The following GTF2F1 variants were observed in gnomAD, a reference collection of about 807,000 sequenced individuals.
GTF2F1 encodes general transcription factor IIF subunit 1.
GTF2F1 carries 39 observed loss-of-function variants against 63.5 expected under a neutral mutation model. That is an observed-to-expected ratio of 0.61 (90% CI 0.48 to 0.80). The LOEUF (loss-of-function observed/expected upper bound fraction) is 0.80, where lower values mean the gene tolerates loss of function less well. GTF2F1 is among the 30% of genes least tolerant of loss of function. The pLI is 0.00. For synonymous variants in GTF2F1, 287 were observed against 285.3 expected (o/e 1.01, Z -0.06); for missense variants, 657 against 718.3 (o/e 0.91, Z 0.97).
rs772049420 is a variant in GTF2F1, at chr19:6,381,779, C to CCTT, written c.751_753dup (p.Lys251dup). The CCTT allele has an allele frequency of 1.7e-5, 28 of 1,613,592 alleles. No individual in the cohort carries two copies. Among genetic ancestry groups the CCTT allele is most frequent in the South Asian group, 8.8e-5 (8 of 91,072 alleles). The stretch of plus-strand genomic sequence containing the variant: ...TCCTCGAAGGCCTCGTCGTCTGAAC[C>CCTT]CTTCTTCTTCTTCTTTTTCCTGCCG... On this transcript the variant is annotated inframe_insertion, in exon 7 of 13. Transcript: ENST00000394456. This position sits in a 1 kb window ranked among gnomAD's most constrained non-coding sequence, Gnocchi z 4.1.
rs183820629 is a variant in GTF2F1, at chr19:6,382,500, G to A, written c.683-650C>T. On this transcript the variant is annotated intron_variant, in intron 6 of 12. Coordinates refer to ENST00000394456, the MANE Select transcript of GTF2F1 (RefSeq NM_002096.3). ...TACAAAAATTAGCCAGCATGGTGGT[G>A]CATGCCTGTAGTCCCAGCTACTTGG... is the stretch of plus-strand genomic sequence containing the variant. 2.6e-3 allele frequency among the ~76,000 whole-genome samples: 393 copies of A among 152,114 alleles called. 3 individuals carry two copies. The highest frequency in any genetic ancestry group is 0.022 in the South Asian group (108 of 4,820).
rs3745573 is a variant in GTF2F1, at chr19:6,383,526, G to A, written c.498-31C>T. ...GGCCAGGCACAGGGGGGCTCATGCC[G>A]GGCCTGGCACCACCCTGCATCTGTG... On this transcript the variant is annotated intron_variant, in intron 5 of 12. Coordinates refer to ENST00000394456, the MANE Select transcript of GTF2F1 (RefSeq NM_002096.3). The surrounding 1 kb of genome is among the most constrained non-coding windows in gnomAD (Gnocchi z 4.5). 136,233 of 1,603,282 alleles carry A rather than the reference G, an allele frequency of 0.085. 10,561 individuals carry two copies. Among genetic ancestry groups the A allele is most frequent in the East Asian group, 0.38 (17,188 of 44,696 alleles).
Position 6,389,515 on chromosome 19 carries a change from G to A in GTF2F1, c.255C>T (p.Gly85=). Residue 85 remains glycine, a synonymous_variant, in exon 4 of 13, where the codon GGC becomes GGT. Transcript: ENST00000394456. The stretch of plus-strand genomic sequence containing the variant: ...CGGGCCGGAACTCCTTGAGGACGAT[G>A]CCGTACTTCTTCCTCCGAGCCTCCT... The part of the protein sequence containing the change: ...LREEARRKKY[G]IVLKEFRPED... The A allele has an allele frequency of 6.2e-7, 1 of 1,614,224 alleles. No individual in the cohort carries two copies. Among genetic ancestry groups the A allele is most frequent in the Non-Finnish European group, 8.5e-7 (1 of 1,180,038 alleles).
intron 5 of GTF2F1, among the ~76,000 whole-genome samples, chr19:6,386,060 A>G (rs2091972751): frequency 6.8e-6 from 1 of 147,196 alleles, no homozygotes; most frequent in Admixed American, 6.7e-5. Context: ...TGGGTGACAG[A>G]GCGAGATTCG....
In GTF2F1 at chr19:6,380,594, C is replaced by A. The variant is rs575662882; in HGVS notation, c.1328G>T (p.Gly443Val). 8.8e-5 allele frequency: 142 copies of A among 1,614,048 alleles called. No homozygotes were observed. In the South Asian group the frequency reaches 1.5e-3, roughly 17 times the overall value. Residue 443 changes from glycine to valine, a missense_variant, in exon 12 of 13, where the codon GGC (glycine) becomes GTC (valine). Coordinates refer to ENST00000394456, the MANE Select transcript of GTF2F1 (RefSeq NM_002096.3). This position sits in a 1 kb window ranked among gnomAD's most constrained non-coding sequence, Gnocchi z 5.3. ...TTACCCGCTGTTGGGTGTTGTCTTG[C>A]CTGATGGTGGCTGGGGTGTCGACTT... ...SGKSTPQPPS[G>V]KTTPNSGDVQ...
Position 6,381,064 on chromosome 19 carries a change from G to A in GTF2F1, c.1093-22C>T. 3 of 1,610,318 alleles carry A rather than the reference G, an allele frequency of 1.9e-6. No individual in the cohort carries two copies. Among genetic ancestry groups the A allele is most frequent in the Non-Finnish European group, 2.5e-6 (3 of 1,178,368 alleles). ...TCTTCTGCAGAGGTCAGGGTTGGGA[G>A]GTGGGTGAGTCTGCAAACAGACGCC... On this transcript the variant is annotated intron_variant, in intron 10 of 12. Transcript: ENST00000394456. This position sits in a 1 kb window ranked among gnomAD's most constrained non-coding sequence, Gnocchi z 4.1.
rs760069997 is a variant in GTF2F1 at position 6,387,443 on chromosome 19, G to A, written c.443C>T (p.Pro148Leu). 3.5e-5 allele frequency: 57 copies of A among 1,614,232 alleles called. No individual in the cohort carries two copies. The highest frequency in any genetic ancestry group is 6.7e-5 in the Admixed American group (4 of 60,026). ...FPVHNWYNFT[P>L]LARHRTLTAE... Reference sequence around the variant, plus strand: ...AGTGAGCGTGCGATGCCGGGCCAGCGGTGTGAAATTGTACCAGTTGTGCAC... The same window carrying A: ...AGTGAGCGTGCGATGCCGGGCCAGCAGTGTGAAATTGTACCAGTTGTGCAC... The change falls in exon 5 of 13, where the codon CCG (proline) becomes CTG (leucine). Residue 148 changes from proline (P) to leucine (L), a missense_variant. Physicochemically the swap from Pro to Leu is moderately conservative, Grantham distance 98. This residue lies in a region of GTF2F1 where 602 missense variants were observed against 625.6 expected (regional missense o/e 0.96). Coordinates refer to ENST00000394456, the MANE Select transcript of GTF2F1 (RefSeq NM_002096.3).
chr19:6,381,737 A>G lies in GTF2F1; in HGVS notation c.796T>C (p.Phe266Leu), dbSNP rs1352576027. ...ATGTAGTCCACCTCTTGGCCCTCGA[A>G]GTCCCCATCATCGCTGTCCTCGAAG... is the stretch of plus-strand genomic sequence containing the variant. The part of the protein sequence containing the change: ...EAFEDSDDGD[F>L]EGQEVDYMSD... The change falls in exon 7 of 13, where the codon TTC (phenylalanine) becomes CTC (leucine). Residue 266 changes from phenylalanine to leucine, a missense_variant. Physicochemically the swap from Phe to Leu is conservative, Grantham distance 22. This residue lies in a region of GTF2F1 where 602 missense variants were observed against 625.6 expected (regional missense o/e 0.96). Transcript: ENST00000394456. This position sits in a 1 kb window ranked among gnomAD's most constrained non-coding sequence, Gnocchi z 4.1. The G allele has an allele frequency of 6.2e-7, 1 of 1,614,138 alleles. No homozygotes were observed. Among genetic ancestry groups the G allele is most frequent in the South Asian group, 1.1e-5 (1 of 91,082 alleles).
rs1216584246 is a variant in GTF2F1 at position 6,381,529 on chromosome 19, C to T, written c.898+25G>A. On this transcript the variant is annotated intron_variant, in intron 8 of 12. Transcript: ENST00000394456. This position sits in a 1 kb window ranked among gnomAD's most constrained non-coding sequence, Gnocchi z 4.1. The stretch of plus-strand genomic sequence containing the variant: ...AGCAGGGAAGCACCGCCCCCATCTC[C>T]CCGGCCCGCCCAGCCATCGCCTACC... 1 of 1,611,028 alleles carries T rather than the reference C, an allele frequency of 6.2e-7. No individual in the cohort carries two copies. The highest frequency in any genetic ancestry group is 2.2e-5 in the East Asian group (1 of 44,900).
In GTF2F1 at chr19:6,381,287, G is replaced by A; in HGVS notation, c.1018+72C>T. The A allele has an allele frequency of 4.5e-6, 7 of 1,546,780 alleles. No homozygotes were observed. In the South Asian group the frequency reaches 5.9e-5, roughly 13 times the overall value. On this transcript the variant is annotated intron_variant, in intron 9 of 12. Transcript: ENST00000394456. This position sits in a 1 kb window ranked among gnomAD's most constrained non-coding sequence, Gnocchi z 4.1. ...ACTGCAGATGAGGGAGGCCTGCAGG[G>A]GAGAGGGGAGGAGGTGGCAGGGCGC...
rs768770343 is a variant in GTF2F1, at chr19:6,389,581, G to A, written c.189C>T (p.Pro63=). 12 of 1,614,028 alleles carry A rather than the reference G, an allele frequency of 7.4e-6. No individual in the cohort carries two copies. The highest frequency in any genetic ancestry group is 5.0e-5 in the Admixed American group (3 of 60,008). Reference sequence around the variant, plus strand: ...TGAACTCACTGCCCGCGCCCGATTCGGGCATCTCCTCCTCTTGGTAGATTT... The same window carrying A: ...TGAACTCACTGCCCGCGCCCGATTCAGGCATCTCCTCCTCTTGGTAGATTT... ...NKKIYQEEEM[P]ESGAGSEFNR... is the part of the protein sequence containing the mutation. Residue 63 remains proline (P), a synonymous_variant, in exon 4 of 13, where the codon CCC becomes CCT. Coordinates refer to ENST00000394456, the MANE Select transcript of GTF2F1 (RefSeq NM_002096.3).
Position 6,381,071 on chromosome 19 carries a change from G to T in GTF2F1, c.1093-29C>A. The T allele has an allele frequency of 6.2e-7, 1 of 1,609,634 alleles. No individual in the cohort carries two copies. The highest frequency in any genetic ancestry group is 8.5e-7 in the Non-Finnish European group (1 of 1,178,088). On this transcript the variant is annotated intron_variant, in intron 10 of 12. Transcript: ENST00000394456. The surrounding 1 kb of genome is among the most constrained non-coding windows in gnomAD (Gnocchi z 4.1). The stretch of plus-strand genomic sequence containing the variant: ...CAGAGGTCAGGGTTGGGAGGTGGGT[G>T]AGTCTGCAAACAGACGCCCAGGCCT...
At position 6,380,693 on chromosome 19, in the gene GTF2F1, G is replaced by A; in HGVS notation, c.1232-3C>T. The A allele has an allele frequency of 2.5e-6, 4 of 1,609,702 alleles. No individual in the cohort carries two copies. The highest frequency in any genetic ancestry group is 2.5e-6 in the Non-Finnish European group (3 of 1,179,574). ...AGGCATCTCGCTCACCCGCTTCCCT[G>A]TGGGAGTGGGGTCAGGGCTGAGTCT... is the stretch of plus-strand genomic sequence containing the variant. On this transcript the variant is annotated splice_polypyrimidine_tract_variant and splice_region_variant and intron_variant, in intron 11 of 12. Coordinates refer to ENST00000394456, the MANE Select transcript of GTF2F1 (RefSeq NM_002096.3). This position sits in a 1 kb window ranked among gnomAD's most constrained non-coding sequence, Gnocchi z 5.3.
Position 6,381,949 on chromosome 19 carries a change from G to A in GTF2F1, c.683-99C>T. 1 of 1,010,634 alleles carries A rather than the reference G, an allele frequency of 9.9e-7. No individual in the cohort carries two copies. The highest frequency in any genetic ancestry group is 1.5e-6 in the Non-Finnish European group (1 of 686,004). The allele number at this position is 1,010,634 out of a possible 1,614,324, so 62.6% of individuals were successfully genotyped here. The stretch of plus-strand genomic sequence containing the variant: ...ATTTTGTGCAGTTTTGACATCCTGG[G>A]GGGCCTCACTGACTGGGGAGACTAC... On this transcript the variant is annotated intron_variant, in intron 6 of 12. Transcript: ENST00000394456. This position sits in a 1 kb window ranked among gnomAD's most constrained non-coding sequence, Gnocchi z 4.1.
rs375095916 is a variant in GTF2F1 at position 6,391,895 on chromosome 19, G to A, written c.132+7C>T. The A allele has an allele frequency of 1.3e-6, 2 of 1,545,504 alleles. No individual in the cohort carries two copies. Among genetic ancestry groups the A allele is most frequent in the Non-Finnish European group, 1.8e-6 (2 of 1,130,876 alleles). On this transcript the variant is annotated splice_region_variant and intron_variant, in intron 3 of 12. Coordinates refer to ENST00000394456, the MANE Select transcript of GTF2F1 (RefSeq NM_002096.3). ...CAGCCCCTGACCCCCAGGACTCAGA[G>A]ACTTACCTGATTCCACGTAGCAAAG...
rs371917624 is a variant in GTF2F1, at chr19:6,380,971, G to C, written c.1164C>G (p.Gly388=). 1.2e-5 allele frequency: 20 copies of C among 1,603,058 alleles called. No homozygotes were observed. The highest frequency in any genetic ancestry group is 3.4e-5 in the South Asian group (3 of 89,434). Residue 388 remains glycine, a synonymous_variant, in exon 11 of 13, where the codon GGC becomes GGG. Transcript: ENST00000394456. This position sits in a 1 kb window ranked among gnomAD's most constrained non-coding sequence, Gnocchi z 5.3. ...TGCTGCCACCCTCTGCGCTGGGCGT[G>C]CCTGGGCGGCTGTTGCCCCTTGAGC... The part of the protein sequence containing the change: ...GGSSRGNSRP[G]TPSAEGGSTS...
At chr19:6,391,301 C>A (rs1167499259) in intron 3 of GTF2F1, among the ~76,000 whole-genome samples, 1 of 152,186 alleles carries the variant, frequency 6.6e-6, no homozygotes, top group Non-Finnish European at 1.5e-5. Context: ...CTCCCTTGCC[C>A]AGATAAACCA....
chr19:6,391,797 T>C, intron 3 of GTF2F1, 105 bp downstream of exon 3: 1 of 632,600 alleles, frequency 1.6e-6, no homozygotes. Flanking sequence ...GTGAGAAAAT[T>C]AAGACTTAGT....
At chr19:6,388,494 A>T (rs1321961514) in intron 4 of GTF2F1, among the ~76,000 whole-genome samples, 1 of 152,026 alleles carries the variant, frequency 6.6e-6, no homozygotes, top group African/African-American at 2.4e-5. Flanking sequence ...TCATCAACCT[A>T]ACCTGGACCC....
Sources: allele counts gnomAD v4.1 joint callset (sites outside exome capture counted in the v4.1 genomes callset), GRCh38; gene constraint gnomAD v4.1.1; regional missense constraint gnomAD v4.1.1; non-coding constraint Gnocchi (gnomAD v3.1); transcripts MANE v1.5; gene names NCBI Gene and HGNC (gene_info 2026-07-23, HGNC 2026-07-21).